The following SCFD2 variants were observed in gnomAD, a reference collection of about 807,000 sequenced individuals.
SCFD2 encodes sec1 family domain-containing protein 2.
A neutral mutation model predicts 58.9 loss-of-function variants in SCFD2; 54 were observed. That is an observed-to-expected ratio of 0.92 (90% CI 0.74 to 1.15). SCFD2 has a LOEUF of 1.15. Among genes scored for constraint, SCFD2 ranks in the 50% most tolerant of loss-of-function variants. The pLI is 0.00. For missense variants in SCFD2, 805 were observed against 836.6 expected, an observed-to-expected ratio of 0.96 and a Z score of 0.47; for synonymous variants, 321 against 335.9, an observed-to-expected ratio of 0.96 and a Z score of 0.49.
chr4:53,354,354 G>A (rs1004263123), intron 1 of SCFD2, among the ~76,000 whole-genome samples: 23 of 152,186 alleles, frequency 1.5e-4, no homozygotes, highest in East Asian at 5.8e-4. Flanking sequence ...TGCCTGGACC[G>A]GCCGGCCACT....
intron 5 of SCFD2, among the ~76,000 whole-genome samples, chr4:53,107,115 T>G (rs1725026852): frequency 1.3e-5 from 2 of 152,124 alleles, no homozygotes; most frequent in Admixed American, 6.6e-5. Flanking sequence ...AATTTCATAT[T>G]CAGCCAAACT....
chr4:52,907,204 A>C (rs2930103), intron 7 of SCFD2, among the ~76,000 whole-genome samples: 126,390 of 152,212 alleles, frequency 0.83, 53,209 homozygotes, highest in East Asian at 1. Context: ...TCCCAGAGAG[A>C]TTGTGTCCTC....
chr4:53,221,576 A>G (rs572705707), intron 4 of SCFD2, among the ~76,000 whole-genome samples: 6 of 152,362 alleles, frequency 3.9e-5, no homozygotes, highest in Admixed American at 2.6e-4. Flanking sequence ...GTGATTTGTG[A>G]CATGAATTCC....
intron 4 of SCFD2, among the ~76,000 whole-genome samples, chr4:53,151,800 G>A (rs1243424285): frequency 1.3e-5 from 2 of 152,216 alleles, no homozygotes; most frequent in Non-Finnish European, 2.9e-5. Context: ...TCTGCAGGTT[G>A]TACAAGCATG....
At chr4:53,261,837 T>C (rs1238308643) in intron 4 of SCFD2, among the ~76,000 whole-genome samples, 2 of 152,222 alleles carry the variant, frequency 1.3e-5, no homozygotes, top group Non-Finnish European at 1.5e-5. Flanking sequence ...TCCCCCACTA[T>C]TGCTGTGTTG....
chr4:53,164,730 G>A (rs1187899561), intron 4 of SCFD2, among the ~76,000 whole-genome samples: 6 of 149,016 alleles, frequency 4.0e-5, no homozygotes, highest in Non-Finnish European at 7.4e-5. Context: ...GGTGGAGGTT[G>A]CAGTGAGCCG....
At chr4:53,201,378 T>C (rs568227519) in intron 4 of SCFD2, among the ~76,000 whole-genome samples, 2 of 152,322 alleles carry the variant, frequency 1.3e-5, no homozygotes, top group East Asian at 3.9e-4. Flanking sequence ...GGCTCCATAG[T>C]ATTCCATGGT....
chr4:53,149,908 G>T (rs758908121), intron 4 of SCFD2, among the ~76,000 whole-genome samples: 1 of 152,092 alleles, frequency 6.6e-6, no homozygotes, highest in South Asian at 2.1e-4. Context: ...TCTATCACAC[G>T]CCAGTTGAAA....
intron 2 of SCFD2, among the ~76,000 whole-genome samples, chr4:53,321,042 T>C (rs1343577836): frequency 6.6e-6 from 1 of 152,224 alleles, no homozygotes; most frequent in Non-Finnish European, 1.5e-5. Flanking sequence ...CAATACATAC[T>C]AATTGTCATT....
At chr4:53,192,880 C>A (rs1727954067) in intron 4 of SCFD2, among the ~76,000 whole-genome samples, 1 of 152,042 alleles carries the variant, frequency 6.6e-6, no homozygotes, top group Non-Finnish European at 1.5e-5. Flanking sequence ...AAAACAACAG[C>A]ATCTTATAAG....
chr4:52,904,682 T>C (rs936918721), intron 7 of SCFD2, among the ~76,000 whole-genome samples: 1 of 152,090 alleles, frequency 6.6e-6, no homozygotes, highest in Non-Finnish European at 1.5e-5. Flanking sequence ...TGCTAATGAG[T>C]AACCATGAAG....
chr4:53,119,046 G>T (rs549559590), intron 5 of SCFD2, among the ~76,000 whole-genome samples: 1 of 152,122 alleles, frequency 6.6e-6, no homozygotes, highest in African/African-American at 2.4e-5. Flanking sequence ...GTCTGGGCAC[G>T]GTGGCTCATG....
chr4:53,178,912 C>G (rs1327302082), intron 4 of SCFD2, among the ~76,000 whole-genome samples: 3 of 151,640 alleles, frequency 2.0e-5, no homozygotes, highest in African/African-American at 7.3e-5. Context: ...GATGGAAGAT[C>G]AAATGAATGA....
intron 8 of SCFD2, among the ~76,000 whole-genome samples, chr4:52,876,483 C>T (rs1718476653): frequency 6.6e-6 from 1 of 152,030 alleles, no homozygotes; most frequent in Non-Finnish European, 1.5e-5. Context: ...GGTGCGGTGG[C>T]TCACTCCTGT....
chr4:53,263,665 G>A (rs1055454054), intron 4 of SCFD2, among the ~76,000 whole-genome samples: 1 of 152,242 alleles, frequency 6.6e-6, no homozygotes, highest in African/African-American at 2.4e-5. Flanking sequence ...GGGGAGTGAA[G>A]TGGACTCTGT....
intron 2 of SCFD2, among the ~76,000 whole-genome samples, chr4:53,328,488 T>C (rs1733290152): frequency 6.6e-6 from 1 of 152,110 alleles, no homozygotes; most frequent in Non-Finnish European, 1.5e-5. Flanking sequence ...TGACCAAATA[T>C]GGGACAATAT....
chr4:53,109,722 A>G (rs2148883231), intron 5 of SCFD2, among the ~76,000 whole-genome samples: 1 of 152,350 alleles, frequency 6.6e-6, no homozygotes, highest in East Asian at 1.9e-4. Context: ...ATAAGAGAGG[A>G]CACAAACAAA....
At chr4:53,055,658 G>A (rs145580887) in intron 5 of SCFD2, among the ~76,000 whole-genome samples, 19 of 152,192 alleles carry the variant, frequency 1.2e-4, no homozygotes, top group Admixed American at 1.2e-3. Context: ...ATAAAAAGGA[G>A]AGAGAAAAAA....
At chr4:52,918,353 T>C (rs1313561004) in intron 6 of SCFD2, among the ~76,000 whole-genome samples, 1 of 152,228 alleles carries the variant, frequency 6.6e-6, no homozygotes, top group Non-Finnish European at 1.5e-5. Context: ...ACTTAAGATG[T>C]ACCTAACAAA....
Sources: allele counts gnomAD v4.1 joint callset (sites outside exome capture counted in the v4.1 genomes callset), GRCh38; gene constraint gnomAD v4.1.1; transcripts MANE v1.5; gene names NCBI Gene and HGNC (gene_info 2026-07-23, HGNC 2026-07-21).